The following SOX6 variants were observed in gnomAD, a reference collection of about 807,000 sequenced individuals.
SOX6 encodes SRY-box transcription factor 6.
SOX6 carries 11 observed loss-of-function variants against 97.8 expected under a neutral mutation model. The observed-to-expected ratio is 0.11, with a 90% CI of 0.07 to 0.19. The LOEUF is 0.19. Ranked by LOEUF, SOX6 falls within the 10% of genes least tolerant of loss-of-function variation. SOX6 has a pLI of 1.00. For synonymous variants in SOX6, 360 were observed against 371.4 expected, an observed-to-expected ratio of 0.97 and a Z score of 0.35; for missense variants, 810 against 1,039.5, an observed-to-expected ratio of 0.78 and a Z score of 3.04.
At chr11:16,539,313 T>C (rs1861364142) in intron 4 of SOX6, among the ~76,000 whole-genome samples, 1 of 152,152 alleles carries the variant, frequency 6.6e-6, no homozygotes, top group Non-Finnish European at 1.5e-5. Flanking sequence ...GGGACACATT[T>C]AATGCAGTGT....
At chr11:16,519,957 G>T (rs1590231298) in intron 4 of SOX6, among the ~76,000 whole-genome samples, 2 of 152,102 alleles carry the variant, frequency 1.3e-5, no homozygotes, top group African/African-American at 4.8e-5. Context: ...TAGTGTTGTT[G>T]AGCATTTTTT....
chr11:16,099,221 G>A (rs1192078414), intron 7 of SOX6, among the ~76,000 whole-genome samples: 2 of 151,598 alleles, frequency 1.3e-5, no homozygotes, highest in Non-Finnish European at 2.9e-5. Context: ...GTTGATTTTG[G>A]TTTGCAGTAC....
At chr11:16,073,684 A>G (rs1848278983) in intron 9 of SOX6, among the ~76,000 whole-genome samples, 1 of 152,120 alleles carries the variant, frequency 6.6e-6, no homozygotes, top group Non-Finnish European at 1.5e-5. Flanking sequence ...TGACCACACA[A>G]TCAGCCATAA....
At chr11:16,641,411 G>T (rs999871858) in intron 3 of SOX6, among the ~76,000 whole-genome samples, 2 of 152,182 alleles carry the variant, frequency 1.3e-5, no homozygotes, top group African/African-American at 4.8e-5. Flanking sequence ...TTCTGTAGAT[G>T]TCTATTAGGT....
intron 4 of SOX6, among the ~76,000 whole-genome samples, chr11:16,567,170 G>A (rs1415121560): frequency 1.3e-5 from 2 of 152,184 alleles, no homozygotes; most frequent in Admixed American, 1.3e-4. Flanking sequence ...ATGGCAGAGT[G>A]AAAATGTGTG....
chr11:16,390,172 G>T (rs1858127675), intron 1 of SOX6, among the ~76,000 whole-genome samples: 1 of 144,834 alleles, frequency 6.9e-6, no homozygotes, highest in African/African-American at 2.8e-5. Flanking sequence ...TTCCCTTTCT[G>T]TGGCTTTTTC....
intron 4 of SOX6, among the ~76,000 whole-genome samples, chr11:16,520,785 C>A (rs192805282): frequency 7.7e-4 from 118 of 152,320 alleles, no homozygotes; most frequent in South Asian, 1.0e-3. Context: ...TAATACTGTG[C>A]TTTTCCAATG....
At chr11:16,690,038 C>A (rs997638122) in intron 3 of SOX6, among the ~76,000 whole-genome samples, 7 of 151,880 alleles carry the variant, frequency 4.6e-5, no homozygotes, top group African/African-American at 1.5e-4. Context: ...AATTCTCATG[C>A]CTCAGCCTCC....
rs1853335556 is a variant in SOX6 at position 15,972,140 on chromosome 11, A to T, written c.*669T>A. 1 of 152,756 alleles carries T rather than the reference A, an allele frequency of 6.5e-6. No individual in the cohort carries two copies. Among genetic ancestry groups the T allele is most frequent in the African/African-American group, 2.4e-5 (1 of 41,432 alleles). 9.5% of individuals were successfully genotyped at this position (152,756 alleles called of 1,614,324 possible). ...ACCTTACCATTTTCTGGAAAAAAAA[A>T]TGTTGGTTTGCTATTTTATTTTAAG... On this transcript the variant is annotated 3_prime_UTR_variant, in exon 16 of 16. Coordinates refer to ENST00000683767, the MANE Select transcript of SOX6 (RefSeq NM_001367873.1).
chr11:16,489,998 T>C (rs576428769), intron 4 of SOX6, among the ~76,000 whole-genome samples: 25 of 152,226 alleles, frequency 1.6e-4, no homozygotes, highest in Admixed American at 3.3e-4. Flanking sequence ...ATTTTTAGGA[T>C]AATAAAATGA....
chr11:16,377,815 A>C (rs1044705843), intron 1 of SOX6, among the ~76,000 whole-genome samples: 3 of 152,126 alleles, frequency 2.0e-5, no homozygotes, highest in Admixed American at 6.6e-5. Context: ...AAAAAGTAAA[A>C]ATGTTTCTTT....
At chr11:16,701,592 T>TCACA (rs1424313435) in intron 3 of SOX6, among the ~76,000 whole-genome samples, 3 of 152,048 alleles carry the variant, frequency 2.0e-5, no homozygotes, top group African/African-American at 7.2e-5. Context: ...GATATGCAAC[T>TCACA]CACGCCTGTA....
chr11:16,049,114 C>A (rs1847617076), intron 11 of SOX6, among the ~76,000 whole-genome samples: 1 of 152,034 alleles, frequency 6.6e-6, no homozygotes, highest in African/African-American at 2.4e-5. Context: ...TATTAAATAA[C>A]TTTCTTGGGG....
At chr11:16,535,092 A>G (rs1590236280) in intron 4 of SOX6, among the ~76,000 whole-genome samples, 1 of 152,306 alleles carries the variant, frequency 6.6e-6, no homozygotes, top group East Asian at 1.9e-4. Flanking sequence ...GCAGTAGTAC[A>G]TTGTTAGTTT....
chr11:16,682,907 A>G (rs1419695719), intron 3 of SOX6, among the ~76,000 whole-genome samples: 2 of 152,236 alleles, frequency 1.3e-5, no homozygotes, highest in Non-Finnish European at 2.9e-5. Context: ...ATACAAAATC[A>G]ATGTACAAAA....
intron 13 of SOX6, among the ~76,000 whole-genome samples, chr11:16,010,908 G>A (rs917679486): frequency 2.6e-5 from 4 of 151,988 alleles, no homozygotes; most frequent in African/African-American, 9.7e-5. Context: ...TTCACTCAGT[G>A]TTTTATCAAG....
intron 6 of SOX6, among the ~76,000 whole-genome samples, chr11:16,174,005 C>G (rs983845748): frequency 1.3e-5 from 2 of 150,938 alleles, no homozygotes; most frequent in African/African-American, 4.9e-5. Flanking sequence ...GCCATCACAC[C>G]CAGTTAATTT....
chr11:16,401,378 C>CA (rs560156884), intron 1 of SOX6, among the ~76,000 whole-genome samples: 5 of 151,000 alleles, frequency 3.3e-5, no homozygotes, highest in Admixed American at 1.3e-4. Flanking sequence ...TAATAGTTAC[C>CA]AAAAAAAATC....
intron 3 of SOX6, among the ~76,000 whole-genome samples, chr11:16,308,428 C>A (rs1263166984): frequency 6.6e-6 from 1 of 152,014 alleles, no homozygotes; most frequent in Non-Finnish European, 1.5e-5. Flanking sequence ...GTGCTTAGAT[C>A]AATTAATTAA....
Sources: allele counts gnomAD v4.1 joint callset (sites outside exome capture counted in the v4.1 genomes callset), GRCh38; gene constraint gnomAD v4.1.1; transcripts MANE v1.5; gene names NCBI Gene and HGNC (gene_info 2026-07-23, HGNC 2026-07-21).